The following CPQ variants were observed in gnomAD, a reference collection of about 807,000 sequenced individuals.
CPQ encodes the protein Ser-Met dipeptidase.
In CPQ, 37 loss-of-function variants were observed where a neutral mutation model predicts 45.7. The ratio of observed to expected loss-of-function variants is 0.81; its 90% CI spans 0.62 to 1.07. The LOEUF is 1.07. Ranked by LOEUF, CPQ falls within the 50% of genes least tolerant of loss-of-function variation. The pLI is 0.00. For synonymous variants in CPQ, 186 were observed against 205.8 expected (o/e 0.90, Z 0.82); for missense variants, 537 against 572.9 (o/e 0.94, Z 0.64).
At chr8:96,744,139 G>A (rs2130781197) in intron 1 of CPQ, among the ~76,000 whole-genome samples, 1 of 152,396 alleles carries the variant, frequency 6.6e-6, no homozygotes, top group African/African-American at 2.4e-5. Context: ...CTCTGTGGGT[G>A]TAGGACCCTC....
chr8:96,822,625 A>T (rs145420659), intron 2 of CPQ, among the ~76,000 whole-genome samples: 1 of 152,018 alleles, frequency 6.6e-6, no homozygotes, highest in Non-Finnish European at 1.5e-5. Context: ...GTCCTGCATG[A>T]TATGGTTCCT....
intron 1 of CPQ, among the ~76,000 whole-genome samples, chr8:96,677,893 G>A (rs367576459): frequency 1.3e-5 from 2 of 152,050 alleles, no homozygotes; most frequent in African/African-American, 4.8e-5. Flanking sequence ...CATGTGACTT[G>A]CCAGTTTTCT....
At chr8:96,729,855 T>TTG (rs142087422) in intron 1 of CPQ, among the ~76,000 whole-genome samples, 22,869 of 151,706 alleles carry the variant, frequency 0.15, 1,737 homozygotes, top group Middle Eastern at 0.17. Context: ...GTGTGTGTGT[T>TTG]TGTGTGTGTG....
chr8:96,924,264 A>G (rs1812844950), intron 4 of CPQ, among the ~76,000 whole-genome samples: 1 of 152,008 alleles, frequency 6.6e-6, no homozygotes, highest in Admixed American at 6.6e-5. Flanking sequence ...AGAGTTTTTC[A>G]TTTTCTGGTA....
chr8:96,935,413 G>A (rs1813032200), intron 4 of CPQ, among the ~76,000 whole-genome samples: 1 of 152,114 alleles, frequency 6.6e-6, no homozygotes, highest in African/African-American at 2.4e-5. Flanking sequence ...AACTAGGTCA[G>A]GTACCCACCA....
At chr8:97,133,476 G>A (rs1373835532) in intron 7 of CPQ, 1 of 151,922 alleles carries the variant, frequency 6.6e-6, no homozygotes, top group East Asian at 1.9e-4. Flanking sequence ...GGTGGGTGGT[G>A]GTAAAGTAAT....
intron 5 of CPQ, among the ~76,000 whole-genome samples, chr8:96,972,938 AC>A (rs1294116350): frequency 6.6e-6 from 1 of 152,154 alleles, no homozygotes; most frequent in African/African-American, 2.4e-5. Context: ...ATGAGAAGGA[AC>A]CAGAAAAACA....
chr8:96,660,860 A>T (rs1815693459), intron 1 of CPQ, among the ~76,000 whole-genome samples: 1 of 152,184 alleles, frequency 6.6e-6, no homozygotes, highest in Non-Finnish European at 1.5e-5. Flanking sequence ...CTTTTCTGTT[A>T]TCTTTTTCTT....
intron 3 of CPQ, among the ~76,000 whole-genome samples, chr8:96,843,115 C>G (rs1194098303): frequency 1.3e-5 from 2 of 152,066 alleles, no homozygotes; most frequent in Non-Finnish European, 2.9e-5. Context: ...CCATGTTGGC[C>G]AGGCTGGTCT....
At chr8:96,817,360 C>T (rs544467784) in intron 2 of CPQ, among the ~76,000 whole-genome samples, 20 of 152,064 alleles carry the variant, frequency 1.3e-4, no homozygotes, top group Non-Finnish European at 2.6e-4. Flanking sequence ...ACTCACTGCT[C>T]ACAGGTTATC....
chr8:97,093,850 C>T (rs1811167097), intron 7 of CPQ, among the ~76,000 whole-genome samples: 1 of 152,090 alleles, frequency 6.6e-6, no homozygotes, highest in Non-Finnish European at 1.5e-5. Context: ...AAAGTTTTGT[C>T]ACAGCCAATA....
intron 6 of CPQ, among the ~76,000 whole-genome samples, chr8:97,031,188 C>T (rs1025246178): frequency 1.4e-4 from 18 of 130,630 alleles, no homozygotes; most frequent in Middle Eastern, 4.3e-3. Context: ...AAGAACTATT[C>T]TTTTTTTTTT....
intron 1 of CPQ, among the ~76,000 whole-genome samples, chr8:96,648,252 T>C (rs918821793): frequency 1.1e-4 from 16 of 152,208 alleles, no homozygotes; most frequent in African/African-American, 2.9e-4. Flanking sequence ...GCTGAAACTT[T>C]CTGCCCCGAA....
chr8:97,126,180 C>T (rs1047542769), intron 7 of CPQ, among the ~76,000 whole-genome samples: 9 of 152,070 alleles, frequency 5.9e-5, no homozygotes, highest in African/African-American at 1.9e-4. Context: ...GCGATGGGTA[C>T]GCTAAAAGCC....
intron 1 of CPQ, among the ~76,000 whole-genome samples, chr8:96,701,639 G>A (rs1476346432): frequency 6.6e-6 from 1 of 152,178 alleles, no homozygotes; most frequent in Non-Finnish European, 1.5e-5. Flanking sequence ...TCTGAGGTAG[G>A]ACTTCTGCCA....
chr8:97,022,720 C>A (rs747791536), intron 5 of CPQ, among the ~76,000 whole-genome samples: 3 of 151,738 alleles, frequency 2.0e-5, no homozygotes, highest in South Asian at 2.1e-4. Context: ...ATCAAAAAAT[C>A]AAAAAATAAT....
chr8:96,901,941 C>T (rs1367884715), intron 4 of CPQ, among the ~76,000 whole-genome samples: 2 of 152,176 alleles, frequency 1.3e-5, no homozygotes, highest in Non-Finnish European at 2.9e-5. Context: ...GTATTTCCAA[C>T]TGTCTAACAA....
In CPQ at chr8:96,719,433, C is replaced by T. The variant is rs117919804; in HGVS notation, c.-34-65431C>T. Reference sequence around the variant, plus strand: ...CGGAACTCCAGCTGTTCCGCAAGCACCGCACGCAGTCCCGGTTGCCACTCG... The same window carrying T: ...CGGAACTCCAGCTGTTCCGCAAGCATCGCACGCAGTCCCGGTTGCCACTCG... On this transcript the variant is annotated intron_variant, in intron 1 of 7. Coordinates refer to ENST00000220763, the MANE Select transcript of CPQ (RefSeq NM_016134.4). Among the ~76,000 whole-genome samples, 244 of 152,342 alleles carry T rather than the reference C, an allele frequency of 1.6e-3. 5 individuals carry two copies. The East Asian group carries it at 0.041, about 26-fold the overall frequency.
intron 5 of CPQ, among the ~76,000 whole-genome samples, chr8:96,986,582 G>T (rs1808987659): frequency 6.6e-6 from 1 of 152,052 alleles, no homozygotes; most frequent in African/African-American, 2.4e-5. Context: ...GACACACCCA[G>T]CTGGGCTTAC....
Sources: allele counts gnomAD v4.1 joint callset (sites outside exome capture counted in the v4.1 genomes callset), GRCh38; gene constraint gnomAD v4.1.1; transcripts MANE v1.5; gene names NCBI Gene and HGNC (gene_info 2026-07-23, HGNC 2026-07-21).